Variants in WLS observed in about 807,000 individuals in gnomAD.
WLS encodes the protein Wnt ligand secretion mediator, also known as protein wntless homolog.
A neutral mutation model predicts 62.8 loss-of-function variants in WLS; 23 were observed. That is an observed-to-expected ratio of 0.37 (90% CI 0.26 to 0.52). The LOEUF (loss-of-function observed/expected upper bound fraction) is 0.52. Among genes scored for constraint, WLS ranks in the 20% least tolerant of loss-of-function variants. The pLI is 0.92. For missense variants in WLS, 615 were observed against 697.3 expected (o/e 0.88, Z 1.33); for synonymous variants, 246 against 244.1 (o/e 1.01, Z -0.07).
chr1:68,218,147 T>TA (rs1381619555), intron 1 of WLS, among the ~76,000 whole-genome samples: 2 of 152,234 alleles, frequency 1.3e-5, no homozygotes, highest in Non-Finnish European at 2.9e-5. Context: ...AGTAGGCTTA[T>TA]ACATTTCTTT....
chr1:68,217,482 G>A (rs938000914), intron 1 of WLS, among the ~76,000 whole-genome samples: 1 of 152,132 alleles, frequency 6.6e-6, no homozygotes, highest in East Asian at 1.9e-4. Context: ...CACCAGTCTC[G>A]CCATGGAAAA....
Position 68,145,905 on chromosome 1 carries a change from C to A in WLS, c.1242G>T (p.Leu414=). The change falls in exon 9 of 12, where the codon CTG becomes CTT. Residue 414 remains leucine (L), a synonymous_variant. Coordinates refer to ENST00000262348, the MANE Select transcript of WLS (RefSeq NM_024911.7). Reference sequence around the variant, plus strand: ...GCCGCCGGACTTTGCTCATAGCTGGCAGGCTGGACTGCTTCCCACTGATGT... The same window carrying A: ...GCCGCCGGACTTTGCTCATAGCTGGAAGGCTGGACTGCTTCCCACTGATGT... ...FRNISGKQSS[L]PAMSKVRRLH... is the part of the protein sequence containing the mutation. 2 of 1,614,182 alleles carry A rather than the reference C, an allele frequency of 1.2e-6. No individual in the cohort carries two copies. The highest frequency in any genetic ancestry group is 8.5e-7 in the Non-Finnish European group (1 of 1,180,030).
rs1488328865 is a variant in WLS, at chr1:68,137,884, C to T, written c.1412G>A (p.Ser471Asn). Reference sequence around the variant, plus strand: ...CCCATAGATGCCTGTGAAAAAGGCACTGTTCACTTGGACTGTGACGCCGCC... The same window carrying T: ...CCCATAGATGCCTGTGAAAAAGGCATTGTTCACTTGGACTGTGACGCCGCC... ...KWGGVTVQVNSAFFTGIYGMW... is the reference protein window; with the variant it reads ...KWGGVTVQVNNAFFTGIYGMW... Residue 471 changes from serine to asparagine, a missense_variant, in exon 11 of 12, where the codon AGT (serine) becomes AAT (asparagine). Coordinates refer to ENST00000262348, the MANE Select transcript of WLS (RefSeq NM_024911.7). 2 of 1,613,888 alleles carry T rather than the reference C, an allele frequency of 1.2e-6. No homozygotes were observed. The highest frequency in any genetic ancestry group is 1.7e-6 in the Non-Finnish European group (2 of 1,179,916).
chr1:68,144,561 C>T lies in WLS; in HGVS notation c.1362+8G>A, dbSNP rs113912573. The T allele has an allele frequency of 1.5e-3, 2,392 of 1,612,562 alleles. 38 individuals are homozygous for T. The African/African-American group carries it at 0.028, about 19-fold the overall frequency. On this transcript the variant is annotated splice_region_variant and intron_variant, in intron 10 of 11. Coordinates refer to ENST00000262348, the MANE Select transcript of WLS (RefSeq NM_024911.7). ...CATTCTCACCTTGACATCTCAGGGT[C>T]CACTTACCTGACTAACGATGAAGAA...
intron 1 of WLS, among the ~76,000 whole-genome samples, chr1:68,221,322 C>A (rs992759577): frequency 6.6e-6 from 1 of 152,182 alleles, no homozygotes; most frequent in Non-Finnish European, 1.5e-5. Flanking sequence ...CCCACATCCT[C>A]ATATGATCCT....
chr1:68,176,318 C>T (rs1438205677), intron 2 of WLS: 1 of 152,256 alleles, frequency 6.6e-6, no homozygotes, highest in Admixed American at 6.5e-5. Context: ...CAGATTTTAC[C>T]TGCCTCCGAA....
intron 2 of WLS, among the ~76,000 whole-genome samples, chr1:68,179,924 C>T (rs1356660101): frequency 6.6e-6 from 1 of 152,086 alleles, no homozygotes; most frequent in Non-Finnish European, 1.5e-5. Context: ...GATTGCTTCC[C>T]CTTTGGCCAA....
chr1:68,193,448 A>T (rs1648478716), intron 2 of WLS, among the ~76,000 whole-genome samples: 1 of 135,164 alleles, frequency 7.4e-6, no homozygotes, highest in Non-Finnish European at 1.6e-5. Context: ...AAAAACGAAA[A>T]AAAAACCTGG....
intron 11 of WLS, among the ~76,000 whole-genome samples, chr1:68,116,318 C>T (rs2100343832): frequency 6.6e-6 from 1 of 152,332 alleles, no homozygotes; most frequent in East Asian, 1.9e-4. Context: ...CTGACAACCA[C>T]ACGGGGTAAG....
intron 5 of WLS, among the ~76,000 whole-genome samples, chr1:68,150,771 AG>A (rs1646814788): frequency 6.6e-6 from 1 of 152,230 alleles, no homozygotes; most frequent in South Asian, 2.1e-4. Context: ...GAATTATATA[AG>A]CATATTTGTT....
At chr1:68,107,005 G>A (rs1383609080) in intron 11 of WLS, among the ~76,000 whole-genome samples, 1 of 152,082 alleles carries the variant, frequency 6.6e-6, no homozygotes, top group South Asian at 2.1e-4. Flanking sequence ...AAATTTAAAA[G>A]CTCTTAAAGT....
At chr1:68,231,580 A>G in intron 1 of WLS, 1 of 274,242 alleles carries the variant, frequency 3.6e-6, no homozygotes, top group Non-Finnish European at 7.4e-6. Context: ...CCGGCCGACA[A>G]TTCGGACCTG....
chr1:68,173,373 T>C (rs1318536076), intron 2 of WLS, among the ~76,000 whole-genome samples: 1 of 152,136 alleles, frequency 6.6e-6, no homozygotes, highest in Non-Finnish European at 1.5e-5. Context: ...GCATTTAGAA[T>C]AGCTGATTTG....
rs1207024791 is a variant in WLS at position 68,138,093 on chromosome 1, G to T, written c.1363-160C>A. 6 of 865,584 alleles carry T rather than the reference G, an allele frequency of 6.9e-6. No homozygotes were observed. The South Asian group carries it at 7.5e-5, about 11-fold the overall frequency. 53.6% of individuals were successfully genotyped at this position (865,584 alleles called of 1,614,324 possible). ...CCATCTTTTAATCTGAATCATTTCG[G>T]TGTAAATTAAGGTCAACTGAAGGTT... On this transcript the variant is annotated intron_variant, in intron 10 of 11. Transcript: ENST00000262348.
intron 2 of WLS, among the ~76,000 whole-genome samples, chr1:68,168,120 C>T (rs1264410014): frequency 1.3e-5 from 2 of 151,914 alleles, no homozygotes; most frequent in African/African-American, 4.8e-5. Context: ...GAGGGGGGTG[C>T]TAGAAATCGC....
intron 11 of WLS, among the ~76,000 whole-genome samples, chr1:68,111,194 T>G (rs1646224790): frequency 6.6e-6 from 1 of 152,222 alleles, no homozygotes; most frequent in Non-Finnish European, 1.5e-5. Flanking sequence ...TTTGTTATAG[T>G]AGCCTGAGCT....
intron 1 of WLS, among the ~76,000 whole-genome samples, chr1:68,197,468 A>T (rs183503995): frequency 2.8e-4 from 42 of 152,288 alleles, no homozygotes; most frequent in African/African-American, 9.9e-4. Context: ...TGCTTTCCAT[A>T]ACTTCAAAAC....
chr1:68,130,889 CT>C (rs56038722), intron 11 of WLS, among the ~76,000 whole-genome samples: 25,505 of 100,646 alleles, frequency 0.25, 2,902 homozygotes, highest in East Asian at 0.39. Context: ...GTTTCTTCTT[CT>C]TTTTTTTTTT....
At chr1:68,175,921 G>C (rs1414709986) in intron 2 of WLS, among the ~76,000 whole-genome samples, 1 of 152,228 alleles carries the variant, frequency 6.6e-6, no homozygotes, top group Non-Finnish European at 1.5e-5. Context: ...AACGCTTGCA[G>C]GAAAAGCCAG....
Sources: allele counts gnomAD v4.1 joint callset (sites outside exome capture counted in the v4.1 genomes callset), GRCh38; gene constraint gnomAD v4.1.1; transcripts MANE v1.5; gene names NCBI Gene and HGNC (gene_info 2026-07-23, HGNC 2026-07-21).